NRXN1: variants seen among roughly 807,000 people sequenced by gnomAD.
The protein encoded by NRXN1 is neurexin 1.
NRXN1 carries 39 observed loss-of-function variants against 150.9 expected under a neutral mutation model. That is an observed-to-expected ratio of 0.26 (90% confidence interval 0.20 to 0.34). The LOEUF (loss-of-function observed/expected upper bound fraction) is 0.34. NRXN1 is among the 10% of genes least tolerant of loss of function. NRXN1 has a pLI of 1.00. For synonymous variants in NRXN1, 924 were observed against 757.0 expected, an observed-to-expected ratio of 1.22 and a Z score of -3.62; for missense variants, 1,815 against 1,949.9, an observed-to-expected ratio of 0.93 and a Z score of 1.30.
chr2:50,405,083 G>A (rs1037890056), intron 17 of NRXN1, among the ~76,000 whole-genome samples: 1 of 152,082 alleles, frequency 6.6e-6, no homozygotes, highest in Non-Finnish European at 1.5e-5. Flanking sequence ...AAATGACAAG[G>A]TGTGTGTGAT....
chr2:49,975,205 A>AT (rs897471441), intron 21 of NRXN1, among the ~76,000 whole-genome samples: 39 of 149,738 alleles, frequency 2.6e-4, no homozygotes, highest in African/African-American at 7.1e-4. Flanking sequence ...TATCACGGAG[A>AT]TTTTTTTTTT....
intron 5 of NRXN1, among the ~76,000 whole-genome samples, chr2:50,716,579 A>G (rs1288278879): frequency 6.6e-6 from 1 of 152,202 alleles, no homozygotes; most frequent in Non-Finnish European, 1.5e-5. Flanking sequence ...CCCATCTGCC[A>G]GCTCATTTGC....
chr2:50,853,686 C>T (rs17504635), intron 5 of NRXN1, among the ~76,000 whole-genome samples: 10,235 of 152,070 alleles, frequency 0.067, 453 homozygotes, highest in Non-Finnish European at 0.097. Context: ...CTAGCTTTCC[C>T]TGCAACCATG....
chr2:50,384,691 C>T lies in NRXN1; in HGVS notation c.3364+80751G>A, dbSNP rs139059818. 4.4e-4 allele frequency among the ~76,000 whole-genome samples: 67 copies of T among 152,132 alleles called. No individual in the cohort carries two copies. The East Asian group carries it at 7.8e-3, about 18-fold the overall frequency. ...GGAAACTCCACTTAATGGGTTGTCCCAACATTTTCTTTAAATCCATGAATT... is the reference window on the plus strand; with the variant it reads ...GGAAACTCCACTTAATGGGTTGTCCTAACATTTTCTTTAAATCCATGAATT... On this transcript the variant is annotated intron_variant, in intron 17 of 22. Transcript: ENST00000401669.
intron 22 of NRXN1, among the ~76,000 whole-genome samples, chr2:49,932,144 G>A (rs140293889): frequency 4.1e-4 from 63 of 152,288 alleles, no homozygotes; most frequent in African/African-American, 1.3e-3. Flanking sequence ...TGCTGGGCAT[G>A]GTAATTCATG....
intron 17 of NRXN1, among the ~76,000 whole-genome samples, chr2:50,370,294 C>T (rs1309782508): frequency 1.3e-5 from 2 of 151,908 alleles, no homozygotes; most frequent in Non-Finnish European, 2.9e-5. Flanking sequence ...AACATTTTCC[C>T]ATAAAGCCAT....
At chr2:50,179,956 G>A (rs2060594665) in intron 18 of NRXN1, among the ~76,000 whole-genome samples, 1 of 151,992 alleles carries the variant, frequency 6.6e-6, no homozygotes, top group Non-Finnish European at 1.5e-5. Context: ...TTATTTCTGG[G>A]TAATAAACAG....
At chr2:49,961,452 C>T (rs1675944465) in intron 21 of NRXN1, among the ~76,000 whole-genome samples, 4 of 151,916 alleles carry the variant, frequency 2.6e-5, no homozygotes, top group African/African-American at 9.7e-5. Flanking sequence ...AAGAAGCTTA[C>T]AGCAATGCTG....
intron 2 of NRXN1, among the ~76,000 whole-genome samples, chr2:50,990,108 T>G (rs538305912): frequency 1.6e-4 from 25 of 152,160 alleles, no homozygotes; most frequent in East Asian, 1.2e-3. Flanking sequence ...ATATATCTTC[T>G]GTAGGGAACT....
intron 17 of NRXN1, among the ~76,000 whole-genome samples, chr2:50,412,787 T>C (rs985254192): frequency 6.6e-6 from 1 of 152,144 alleles, no homozygotes; most frequent in Non-Finnish European, 1.5e-5. Context: ...TCTACAATGA[T>C]ACAATGATCT....
chr2:50,236,716 G>A (rs1281077606), intron 18 of NRXN1, 73 bp downstream of exon 18: 5 of 1,444,376 alleles, frequency 3.5e-6, no homozygotes, highest in South Asian at 1.2e-5. Context: ...CATCCAAGAA[G>A]CAAAATTATA....
intron 19 of NRXN1, among the ~76,000 whole-genome samples, chr2:50,083,631 C>A (rs934063777): frequency 6.6e-6 from 1 of 152,148 alleles, no homozygotes; most frequent in Non-Finnish European, 1.5e-5. Flanking sequence ...GGGCAGCCTG[C>A]TTTTATTCTC....
intron 17 of NRXN1, among the ~76,000 whole-genome samples, chr2:50,398,700 C>T (rs1235416194): frequency 6.6e-6 from 1 of 152,048 alleles, no homozygotes; most frequent in African/African-American, 2.4e-5. Flanking sequence ...TGGGCACTGC[C>T]TTTGGACAGG....
Position 50,967,390 on chromosome 2 carries a change from T to C in NRXN1, c.773-41435A>G, listed in dbSNP as rs565116612. On this transcript the variant is annotated intron_variant, in intron 2 of 22. Coordinates refer to ENST00000401669, the MANE Select transcript of NRXN1 (RefSeq NM_001330078.2). ...AAATTTAGTTAATTCCATCATCTCA[T>C]CTGAATTCTATGATCACACAAAGCC... Among the ~76,000 whole-genome samples the C allele has an allele frequency of 1.1e-4, 17 of 152,140 alleles. No homozygotes were observed. The South Asian group carries it at 1.7e-3, about 15-fold the overall frequency.
intron 5 of NRXN1, among the ~76,000 whole-genome samples, chr2:50,773,275 G>A (rs1012266132): frequency 2.0e-5 from 3 of 152,016 alleles, no homozygotes; most frequent in African/African-American, 7.2e-5. Context: ...TTCAACCTTT[G>A]TCCAGAGGGT....
rs536955349 is a variant in NRXN1 at position 50,643,639 on chromosome 2, G to A, written c.833-20024C>T. Among the ~76,000 whole-genome samples, 412 of 151,834 alleles carry A rather than the reference G, an allele frequency of 2.7e-3. 1 individual carries two copies. Among genetic ancestry groups the A allele is most frequent in the African/African-American group, 8.8e-3 (365 of 41,488 alleles). On this transcript the variant is annotated intron_variant, in intron 5 of 22. Coordinates refer to ENST00000401669, the MANE Select transcript of NRXN1 (RefSeq NM_001330078.2). ...TTCCACATGTATAATCAGTTCTTCCGATACTGTTAAGTATTGTATCCTTTA... is the reference window on the plus strand; with the variant it reads ...TTCCACATGTATAATCAGTTCTTCCAATACTGTTAAGTATTGTATCCTTTA...
chr2:49,958,912 T>TG (rs1434142720), intron 21 of NRXN1, among the ~76,000 whole-genome samples: 2 of 152,132 alleles, frequency 1.3e-5, no homozygotes, highest in Non-Finnish European at 2.9e-5. Flanking sequence ...TCCTGAGAAA[T>TG]GAGAAATTGG....
Position 50,922,661 on chromosome 2 carries a change from G to A in NRXN1, c.817C>T (p.Gln273Ter). The change falls in exon 4 of 23, where the codon CAA (glutamine) becomes TAA (stop). Residue 273 changes from glutamine to a stop codon, truncating the protein, a stop_gained. Coordinates refer to ENST00000401669, the MANE Select transcript of NRXN1 (RefSeq NM_001330078.2). LOFTEE classifies it high-confidence loss of function. ...EGLAHLMMGDQGKSKGKEEYI... is the reference protein window; with the variant it reads ...EGLAHLMMGD The stretch of plus-strand genomic sequence containing the variant: ...GGAAAAGGAACAGAGCCCATACCTT[G>A]GTCGCCCATCATCAGGTGCGCCAGA... 1 of 1,610,112 alleles carries A rather than the reference G, an allele frequency of 6.2e-7. No individual in the cohort carries two copies. The highest frequency in any genetic ancestry group is 8.5e-7 in the Non-Finnish European group (1 of 1,178,002).
chr2:50,352,751 T>C (rs768927905), intron 17 of NRXN1, among the ~76,000 whole-genome samples: 16 of 113,070 alleles, frequency 1.4e-4, no homozygotes, highest in Non-Finnish European at 2.1e-4. Context: ...AGTAAGAGCA[T>C]TGATAATAAT....
Sources: allele counts gnomAD v4.1 joint callset (sites outside exome capture counted in the v4.1 genomes callset), GRCh38; gene constraint gnomAD v4.1.1; transcripts MANE v1.5; gene names NCBI Gene and HGNC (gene_info 2026-07-23, HGNC 2026-07-21).